Variants in NSUN3 observed in about 807,000 individuals in gnomAD.
NSUN3 encodes the protein NOP2/Sun RNA methyltransferase 3.
NSUN3 carries 24 observed loss-of-function variants against 36.8 expected under a neutral mutation model. That is an observed-to-expected ratio of 0.65 (90% CI 0.47 to 0.92). NSUN3 has a LOEUF of 0.92. NSUN3 is among the 40% of genes least tolerant of loss of function. The pLI is 0.00. For synonymous variants in NSUN3, 146 were observed against 145.2 expected, an observed-to-expected ratio of 1.01 and a Z score of -0.04; for missense variants, 381 against 392.8, an observed-to-expected ratio of 0.97 and a Z score of 0.25.
intron 3 of NSUN3, among the ~76,000 whole-genome samples, chr3:94,091,704 A>G (rs996989831): frequency 1.3e-5 from 2 of 152,224 alleles, no homozygotes; most frequent in Non-Finnish European, 2.9e-5. Flanking sequence ...GTCAAAATAG[A>G]ATGTAAAACA....
Position 94,130,745 on chromosome 3 carries a change from A to G in NSUN3, c.*4255A>G, listed in dbSNP as rs1286875293. Among the ~76,000 whole-genome samples, 1 of 152,182 alleles carries G rather than the reference A, an allele frequency of 6.6e-6. No individual in the cohort carries two copies. Among genetic ancestry groups the G allele is most frequent in the East Asian group, 1.9e-4 (1 of 5,186 alleles). ...AGGCTTTCAGTTTGGCCACAGCTGA[A>G]TGATTGAGAATTACCAGATAAATCC... is the stretch of plus-strand genomic sequence containing the variant. On this transcript the variant is annotated 3_prime_UTR_variant, in exon 6 of 6. Transcript: ENST00000314622.
At chr3:94,114,268 A>C (rs970274673) in intron 5 of NSUN3, among the ~76,000 whole-genome samples, 2 of 152,162 alleles carry the variant, frequency 1.3e-5, no homozygotes, top group African/African-American at 2.4e-5. Flanking sequence ...TAAAAGCTTG[A>C]GGTCCTCTTT....
chr3:94,092,641 T>G (rs988403255), intron 3 of NSUN3, among the ~76,000 whole-genome samples: 25 of 151,894 alleles, frequency 1.6e-4, no homozygotes, highest in Admixed American at 1.1e-3. Context: ...CGGTGGCTCA[T>G]GTCTGTAATC....
intron 5 of NSUN3, among the ~76,000 whole-genome samples, chr3:94,095,739 T>G (rs772661344): frequency 4.6e-5 from 7 of 151,986 alleles, no homozygotes; most frequent in African/African-American, 7.3e-5. Flanking sequence ...AACCAAATTT[T>G]TTTGTTTGTT....
intron 3 of NSUN3, among the ~76,000 whole-genome samples, chr3:94,088,513 G>A (rs1016470559): frequency 6.6e-6 from 1 of 152,076 alleles, no homozygotes; most frequent in African/African-American, 2.4e-5. Context: ...ACAAGGAGAA[G>A]TACCAAATTG....
chr3:94,116,449 G>A lies in NSUN3; in HGVS notation c.744-9762G>A, dbSNP rs114473968. On this transcript the variant is annotated intron_variant, in intron 5 of 5. Transcript: ENST00000314622. ...GGGAGTGAGAGAAGGAATCCTTGGTGTATTGAAACCACAAAACAATCCAGT... is the reference window on the plus strand; with the variant it reads ...GGGAGTGAGAGAAGGAATCCTTGGTATATTGAAACCACAAAACAATCCAGT... Among the ~76,000 whole-genome samples, 689 of 152,278 alleles carry A rather than the reference G, an allele frequency of 4.5e-3. 4 individuals are homozygous for A. Among genetic ancestry groups the A allele is most frequent in the African/African-American group, 0.014 (575 of 41,562 alleles).
chr3:94,108,910 C>A (rs13070047), intron 5 of NSUN3, among the ~76,000 whole-genome samples: 3 of 152,170 alleles, frequency 2.0e-5, no homozygotes, highest in Non-Finnish European at 2.9e-5. Flanking sequence ...GGTGATTCAC[C>A]CAACTCGGCC....
intron 1 of NSUN3, chr3:94,064,093 C>G (rs568765932): frequency 1.6e-5 from 3 of 192,852 alleles, no homozygotes; most frequent in South Asian, 1.7e-4. Flanking sequence ...GTGATCCTCC[C>G]GCCTCTGCCT....
chr3:94,101,295 A>G lies in NSUN3; in HGVS notation c.743+6141A>G, dbSNP rs1015784515. On this transcript the variant is annotated intron_variant, in intron 5 of 5. Coordinates refer to ENST00000314622, the MANE Select transcript of NSUN3 (RefSeq NM_022072.5). ...GCACGAGCCACTGTGCCCAGCACTG[A>G]TGTTAAATTTTTTTTTTAAACTGTT... Among the ~76,000 whole-genome samples, 11 of 152,224 alleles carry G rather than the reference A, an allele frequency of 7.2e-5. No individual in the cohort carries two copies. The East Asian group carries it at 2.1e-3, about 29-fold the overall frequency.
intron 5 of NSUN3, among the ~76,000 whole-genome samples, chr3:94,111,230 G>C (rs1028112645): frequency 1.3e-5 from 2 of 152,134 alleles, no homozygotes; most frequent in Non-Finnish European, 2.9e-5. Context: ...TTGTACACCT[G>C]TATAAGGAGC....
intron 2 of NSUN3, among the ~76,000 whole-genome samples, chr3:94,068,650 CTG>C (rs1476621731): frequency 4.0e-5 from 6 of 151,690 alleles, no homozygotes; most frequent in Admixed American, 2.0e-4. Context: ...TATTTATTAA[CTG>C]TGGAAATTTT....
At chr3:94,104,753 A>G (rs2077378981) in intron 5 of NSUN3, among the ~76,000 whole-genome samples, 1 of 152,226 alleles carries the variant, frequency 6.6e-6, no homozygotes. Context: ...GGGTAGACAC[A>G]AGAGAGCAAA....
chr3:94,124,636 A>T (rs1405504551), intron 5 of NSUN3, among the ~76,000 whole-genome samples: 1 of 152,110 alleles, frequency 6.6e-6, no homozygotes, highest in African/African-American at 2.4e-5. Flanking sequence ...ACTTTAATGA[A>T]CTACTTTTAA....
Position 94,126,657 on chromosome 3 carries a change from A to G in NSUN3, c.*167A>G, listed in dbSNP as rs2077487610. 1 of 594,476 alleles carries G rather than the reference A, an allele frequency of 1.7e-6. No individual in the cohort carries two copies. Among genetic ancestry groups the G allele is most frequent in the Non-Finnish European group, 2.9e-6 (1 of 349,884 alleles). The allele number at this position is 594,476 out of a possible 1,614,324, so 36.8% of individuals were successfully genotyped here. A position where few individuals can be genotyped will look rare whatever the true frequency, so the allele number is the denominator to read the frequency against. On this transcript the variant is annotated 3_prime_UTR_variant, in exon 6 of 6. Coordinates refer to ENST00000314622, the MANE Select transcript of NSUN3 (RefSeq NM_022072.5). ...CTAGGCTTGAGAATTGTTCAGGTGT[A>G]TTTTTTTCCTAGAAATATATCTGTA...
intron 1 of NSUN3, among the ~76,000 whole-genome samples, chr3:94,063,660 C>T (rs1348568989): frequency 6.6e-6 from 1 of 152,152 alleles, no homozygotes; most frequent in African/African-American, 2.4e-5. Flanking sequence ...CTCTGTCACC[C>T]AATCTGGAAT....
At chr3:94,080,187 C>T (rs2077261748) in intron 2 of NSUN3, among the ~76,000 whole-genome samples, 1 of 152,162 alleles carries the variant, frequency 6.6e-6, no homozygotes, top group Non-Finnish European at 1.5e-5. Flanking sequence ...TGCAGGTCTG[C>T]TGGAGTTTGC....
chr3:94,081,676 A>G, intron 2 of NSUN3: 1 of 152,190 alleles, frequency 6.6e-6, no homozygotes, highest in Non-Finnish European at 1.5e-5. Context: ...TTGTTCCTGA[A>G]TTAATAATCC....
At chr3:94,105,556 T>C (rs1043456675) in intron 5 of NSUN3, among the ~76,000 whole-genome samples, 1 of 152,156 alleles carries the variant, frequency 6.6e-6, no homozygotes, top group Non-Finnish European at 1.5e-5. Flanking sequence ...GACATTGGCG[T>C]TCAAACTCTG....
rs1560044048 is a variant in NSUN3, at chr3:94,128,259, A to T, written c.*1769A>T. 1 of 152,136 alleles carries T rather than the reference A, an allele frequency of 6.6e-6. No homozygotes were observed. The highest frequency in any genetic ancestry group is 2.4e-5 in the African/African-American group (1 of 41,436). 9.4% of individuals were successfully genotyped at this position (152,136 alleles called of 1,614,324 possible). ...ATAATAATAGTAATTAAATAAAAAT[A>T]AAGTAACGCTAGAACTGTTGGACCA... On this transcript the variant is annotated 3_prime_UTR_variant, in exon 6 of 6. Coordinates refer to ENST00000314622, the MANE Select transcript of NSUN3 (RefSeq NM_022072.5).
Sources: allele counts gnomAD v4.1 joint callset (sites outside exome capture counted in the v4.1 genomes callset), GRCh38; gene constraint gnomAD v4.1.1; transcripts MANE v1.5; gene names NCBI Gene and HGNC (gene_info 2026-07-23, HGNC 2026-07-21).